Variants in LRMDA observed in about 807,000 individuals in gnomAD.
The protein encoded by LRMDA is leucine-rich melanocyte differentiation-associated protein.
LRMDA carries 18 observed loss-of-function variants against 29.8 expected under a neutral mutation model. That is an observed-to-expected ratio of 0.60 (90% CI 0.42 to 0.90). The LOEUF (loss-of-function observed/expected upper bound fraction) is 0.90. LRMDA is among the 40% of genes least tolerant of loss of function. The pLI is 0.00. For synonymous variants in LRMDA, 125 were observed against 109.4 expected (o/e 1.14, Z -0.89); for missense variants, 273 against 273.9 (o/e 1.00, Z 0.02).
Position 75,975,868 on chromosome 10 carries a change from A to C in LRMDA, c.132-60140A>C, listed in dbSNP as rs560254572. Among the ~76,000 whole-genome samples, 8 of 152,198 alleles carry C rather than the reference A, an allele frequency of 5.3e-5. No homozygotes were observed. In the South Asian group the frequency reaches 1.7e-3, roughly 32 times the overall value. ...TTCCAATTCATCACAGAGTCCTGTC[A>C]GCTCTAATTCTAAAATGTTTCCTGA... On this transcript the variant is annotated intron_variant, in intron 2 of 6. Coordinates refer to ENST00000611255, the MANE Select transcript of LRMDA (RefSeq NM_001305581.2).
At chr10:75,931,014 G>A (rs963666616) in intron 2 of LRMDA, among the ~76,000 whole-genome samples, 1 of 152,166 alleles carries the variant, frequency 6.6e-6, no homozygotes, top group African/African-American at 2.4e-5. Context: ...AAAGTTGCAG[G>A]ATTTTGCCAA....
At chr10:76,180,972 C>T (rs572693169) in intron 5 of LRMDA, among the ~76,000 whole-genome samples, 2 of 152,222 alleles carry the variant, frequency 1.3e-5, no homozygotes, top group South Asian at 2.1e-4. Context: ...CACTCTGGGT[C>T]GATGCTTGGG....
Position 76,199,973 on chromosome 10 carries a change from T to A in LRMDA, c.517-124428T>A, listed in dbSNP as rs576945013. Among the ~76,000 whole-genome samples the A allele has an allele frequency of 1.3e-4, 20 of 152,150 alleles. 1 individual carries two copies. The highest frequency in any genetic ancestry group is 6.8e-3 in the Middle Eastern group (2 of 294). On this transcript the variant is annotated intron_variant, in intron 5 of 6. Transcript: ENST00000611255. Reference sequence around the variant, plus strand: ...GAGTAAGACTCCACTTCAAAAAAAATTTTTTTGAGACAGAGTGTCACTCTG... The same window carrying A: ...GAGTAAGACTCCACTTCAAAAAAAAATTTTTTGAGACAGAGTGTCACTCTG...
intron 6 of LRMDA, among the ~76,000 whole-genome samples, chr10:76,473,763 A>G (rs1030475876): frequency 3.3e-5 from 5 of 151,734 alleles, no homozygotes; most frequent in African/African-American, 1.2e-4. Context: ...AAAGAGTAAA[A>G]GACTTAGAAA....
intron 2 of LRMDA, among the ~76,000 whole-genome samples, chr10:75,799,769 C>T (rs1843717215): frequency 6.6e-6 from 1 of 151,444 alleles, no homozygotes; most frequent in Non-Finnish European, 1.5e-5. Context: ...TAGTCTTGAA[C>T]TCCTGGCCTC....
At chr10:76,474,972 A>G (rs1842652204) in intron 6 of LRMDA, among the ~76,000 whole-genome samples, 1 of 151,876 alleles carries the variant, frequency 6.6e-6, no homozygotes, top group Admixed American at 6.6e-5. Flanking sequence ...ATGTTCATCA[A>G]TTGATGAGTG....
At chr10:75,587,626 A>G (rs934978127) in intron 2 of LRMDA, among the ~76,000 whole-genome samples, 1 of 152,220 alleles carries the variant, frequency 6.6e-6, no homozygotes. Flanking sequence ...TGCTGCGACT[A>G]TGGCAGTTGA....
chr10:75,875,598 A>G (rs1845183751), intron 2 of LRMDA, among the ~76,000 whole-genome samples: 1 of 152,114 alleles, frequency 6.6e-6, no homozygotes, highest in Non-Finnish European at 1.5e-5. Flanking sequence ...ATGCCCAGCT[A>G]ATTTTTTGCA....
At chr10:76,372,504 T>C (rs1231738010) in intron 6 of LRMDA, among the ~76,000 whole-genome samples, 6 of 151,902 alleles carry the variant, frequency 3.9e-5, no homozygotes, top group Admixed American at 2.6e-4. Context: ...TACCAGCTAC[T>C]TGGGAGGCTG....
chr10:75,760,073 A>G (rs1843077395), intron 2 of LRMDA, among the ~76,000 whole-genome samples: 2 of 152,218 alleles, frequency 1.3e-5, no homozygotes, highest in South Asian at 4.1e-4. Flanking sequence ...ATGTAGAACA[A>G]GGGGGAAAAG....
chr10:76,389,297 G>GTGA (rs1445003852), intron 6 of LRMDA, among the ~76,000 whole-genome samples: 1 of 152,068 alleles, frequency 6.6e-6, no homozygotes, highest in Non-Finnish European at 1.5e-5. Context: ...GTTTCGAATG[G>GTGA]TGAGGCTGGA....
chr10:75,878,445 C>T (rs1418134377), intron 2 of LRMDA, among the ~76,000 whole-genome samples: 9 of 151,780 alleles, frequency 5.9e-5, no homozygotes, highest in Non-Finnish European at 1.3e-4. Context: ...CTCCTCAGAC[C>T]GTCACTGACT....
chr10:76,493,692 C>T (rs1181377564), intron 6 of LRMDA, among the ~76,000 whole-genome samples: 1 of 151,740 alleles, frequency 6.6e-6, no homozygotes, highest in Non-Finnish European at 1.5e-5. Context: ...AGTTGTTCAC[C>T]GTTTTTGAAG....
At chr10:75,895,003 G>A (rs1333091636) in intron 2 of LRMDA, among the ~76,000 whole-genome samples, 1 of 152,180 alleles carries the variant, frequency 6.6e-6, no homozygotes, top group Non-Finnish European at 1.5e-5. Context: ...GGCCTGGAGG[G>A]TAGGATTTGT....
chr10:76,434,302 T>G (rs1422628368), intron 6 of LRMDA, among the ~76,000 whole-genome samples: 1 of 152,118 alleles, frequency 6.6e-6, no homozygotes, highest in Non-Finnish European at 1.5e-5. Flanking sequence ...AATCTCTTTT[T>G]TTCTCTCTCT....
intron 2 of LRMDA, among the ~76,000 whole-genome samples, chr10:75,760,459 C>T (rs1189827117): frequency 1.3e-5 from 2 of 152,092 alleles, no homozygotes; most frequent in Admixed American, 1.3e-4. Flanking sequence ...GTGCATTTGA[C>T]TGTGTCAGCT....
At chr10:76,428,229 A>G (rs1426312418) in intron 6 of LRMDA, among the ~76,000 whole-genome samples, 3 of 152,114 alleles carry the variant, frequency 2.0e-5, no homozygotes, top group Non-Finnish European at 4.4e-5. Context: ...TTAGTTCTTC[A>G]TTGAGAGAGA....
intron 2 of LRMDA, among the ~76,000 whole-genome samples, chr10:75,962,591 A>C (rs117191216): frequency 6.6e-6 from 1 of 152,346 alleles, no homozygotes; most frequent in African/African-American, 2.4e-5. Context: ...ATGGCCTGCC[A>C]TGAGGGATGC....
intron 5 of LRMDA, among the ~76,000 whole-genome samples, chr10:76,227,412 A>G (rs980029318): frequency 6.6e-6 from 1 of 152,158 alleles, no homozygotes; most frequent in African/African-American, 2.4e-5. Context: ...AACTCCTTCA[A>G]TGTGATTGAC....
Sources: allele counts gnomAD v4.1 joint callset (sites outside exome capture counted in the v4.1 genomes callset), GRCh38; gene constraint gnomAD v4.1.1; transcripts MANE v1.5; gene names NCBI Gene and HGNC (gene_info 2026-07-23, HGNC 2026-07-21).